The following PCIF1 variants were observed in gnomAD, a reference collection of about 807,000 sequenced individuals.
PCIF1 encodes the protein phosphorylated CTD interacting factor 1.
In PCIF1, 12 loss-of-function variants were observed where a neutral mutation model predicts 86.9. The ratio of observed to expected loss-of-function variants is 0.14; its 90% CI spans 0.09 to 0.22. PCIF1 has a LOEUF of 0.22. PCIF1 is among the 10% of genes least tolerant of loss of function. PCIF1 has a pLI of 1.00. For missense variants in PCIF1, 701 were observed against 951.1 expected (o/e 0.74, Z 3.46); for synonymous variants, 397 against 372.0 (o/e 1.07, Z -0.77).
At chr20:45,939,470 C>T (rs2083452042) in intron 4 of PCIF1, 131 bp downstream of exon 4, 6 of 1,323,308 alleles carry the variant, frequency 4.5e-6, no homozygotes, top group Middle Eastern at 2.6e-4. Context: ...ACAAGCAAGA[C>T]AGACACAGCC....
At chr20:45,944,842 G>A (rs764609790) in intron 10 of PCIF1, 26 bp from the exon 11 acceptor site, 24 of 1,600,062 alleles carry the variant, frequency 1.5e-5, no homozygotes, top group South Asian at 2.2e-5. Flanking sequence ...CTCCACTAGC[G>A]CCCTGATCCA....
At chr20:45,939,922 T>C (rs771629923) in intron 4 of PCIF1, among the ~76,000 whole-genome samples, 4 of 152,078 alleles carry the variant, frequency 2.6e-5, no homozygotes, top group Non-Finnish European at 5.9e-5. Flanking sequence ...GCATCTTCAT[T>C]TTGCATGTGA....
chr20:45,940,111 G>A (rs905038370), intron 4 of PCIF1, among the ~76,000 whole-genome samples: 6 of 152,152 alleles, frequency 3.9e-5, no homozygotes, highest in Non-Finnish European at 7.3e-5. Flanking sequence ...CAGTTTTTGA[G>A]CTTTTCATTT....
At chr20:45,937,383 AC>A (rs1256709798) in intron 1 of PCIF1, 34 bp from the exon 2 acceptor site, 5 of 398,988 alleles carry the variant, frequency 1.3e-5, no homozygotes, top group Non-Finnish European at 8.8e-6. Context: ...GCAGCATCCC[AC>A]AGGTCTGTGA....
At chr20:45,937,833 C>A in intron 2 of PCIF1, 1 of 355,940 alleles carries the variant, frequency 2.8e-6, no homozygotes, top group Non-Finnish European at 5.0e-6. Context: ...TTAAGGAAGA[C>A]GTCTATGATG....
rs766817099 is a variant in PCIF1 at position 45,947,777 on chromosome 20, G to T, written c.*22G>T. 1.1e-5 allele frequency: 18 copies of T among 1,587,556 alleles called. No homozygotes were observed. In the East Asian group the frequency reaches 3.8e-4, roughly 34 times the overall value. On this transcript the variant is annotated 3_prime_UTR_variant, in exon 17 of 17. Coordinates refer to ENST00000372409, the MANE Select transcript of PCIF1 (RefSeq NM_022104.4). This position sits in a 1 kb window ranked among gnomAD's most constrained non-coding sequence, Gnocchi z 5.4. ...TTAACATATCCTGCGGGGAGGAGGA[G>T]CCCCAGGGGTGCTAGTCTGGACTGC...
intron 1 of PCIF1, among the ~76,000 whole-genome samples, chr20:45,935,025 C>T (rs2083405945): frequency 6.6e-6 from 1 of 152,076 alleles, no homozygotes; most frequent in South Asian, 2.1e-4. Flanking sequence ...CTCTAGGGCC[C>T]CTCCGCTGCT....
intron 7 of PCIF1, among the ~76,000 whole-genome samples, 172 bp from the exon 8 acceptor site, chr20:45,942,925 A>G (rs1285288160): frequency 6.6e-6 from 1 of 152,002 alleles, no homozygotes; most frequent in Non-Finnish European, 1.5e-5. Flanking sequence ...ATACTTATCA[A>G]CACTATAAAA....
In PCIF1 at chr20:45,939,127, CTGAGGGG is replaced by C. The variant is rs777743264; in HGVS notation, c.124+5_124+11del. ...CGCCTGGTTCAGGACCTCCCAGGTA[CTGAGGGG>C]GAGCAGTAGTGGGGTGGTGGGGTAG... is the stretch of plus-strand genomic sequence containing the variant. On this transcript the variant is annotated splice_donor_5th_base_variant and intron_variant, in intron 3 of 16. Transcript: ENST00000372409. 4 of 1,613,978 alleles carry C rather than the reference CTGAGGGG, an allele frequency of 2.5e-6. No individual in the cohort carries two copies. The African/African-American group carries it at 5.3e-5, about 22-fold the overall frequency.
rs886535669 is a variant in PCIF1, at chr20:45,935,367, T to G, written c.-188+563T>G. On this transcript the variant is annotated intron_variant, in intron 1 of 16. Transcript: ENST00000372409. Reference sequence around the variant, plus strand: ...CCCGGACTCGGACTCTGGCTTCTGGTGGGTTTTTCTGGTTGCGCAGATAGA... The same window carrying G: ...CCCGGACTCGGACTCTGGCTTCTGGGGGGTTTTTCTGGTTGCGCAGATAGA... 2.6e-5 allele frequency among the ~76,000 whole-genome samples: 4 copies of G among 152,028 alleles called. No homozygotes were observed. The East Asian group carries it at 7.7e-4, about 29-fold the overall frequency.
rs1316742056 is a variant in PCIF1, at chr20:45,940,537, C to T, written c.312C>T (p.Pro104=). ...LPQDSSLVET[P]PAENKPRKRQ... ...AAGACTCAAGCTTGGTGGAAACTCC[C>T]CCGGCTGAGAACAAGCCCAGAAAGC... The change falls in exon 5 of 17, where the codon CCC becomes CCT. Residue 104 remains proline, a synonymous_variant. Transcript: ENST00000372409. 1 of 1,608,362 alleles carries T rather than the reference C, an allele frequency of 6.2e-7. No homozygotes were observed. Among genetic ancestry groups the T allele is most frequent in the Non-Finnish European group, 8.5e-7 (1 of 1,177,274 alleles).
At chr20:45,937,695 C>G in intron 2 of PCIF1, 110 bp downstream of exon 2, 1 of 397,924 alleles carries the variant, frequency 2.5e-6, no homozygotes, top group Non-Finnish European at 4.4e-6. Context: ...TTTTTCGTAC[C>G]TTGGTCAGTG....
rs762540613 is a variant in PCIF1, at chr20:45,943,350, A to G, written c.832A>G (p.Ile278Val). 1 of 1,614,104 alleles carries G rather than the reference A, an allele frequency of 6.2e-7. No individual in the cohort carries two copies. The highest frequency in any genetic ancestry group is 1.1e-5 in the South Asian group (1 of 91,088). ...CACTCTGAAACGCAGGTTATCCCGA[A>G]TCAAGTTCCGGGAGGAAGCCAAGCG... ...MNDIPIRLSRIKFREEAKRLL... is the reference protein window; with the variant it reads ...MNDIPIRLSRVKFREEAKRLL... Residue 278 changes from isoleucine to valine, a missense_variant, in exon 9 of 17, where the codon ATC becomes GTC. Transcript: ENST00000372409. The surrounding 1 kb of genome is among the most constrained non-coding windows in gnomAD (Gnocchi z 5.5).
chr20:45,946,319 C>G lies in PCIF1; in HGVS notation c.1548C>G (p.Leu516=). 6.2e-7 allele frequency: 1 copy of G among 1,614,174 alleles called. No homozygotes were observed. Among genetic ancestry groups the G allele is most frequent in the Non-Finnish European group, 8.5e-7 (1 of 1,180,044 alleles). Residue 516 remains leucine, a synonymous_variant, in exon 14 of 17, where the codon CTC becomes CTG. Coordinates refer to ENST00000372409, the MANE Select transcript of PCIF1 (RefSeq NM_022104.4). ...GCTTCGAGTGCTTCGCCTCACCCCTCAACTGCTACTTCCGCCAGTACTGTT... is the reference window on the plus strand; with the variant it reads ...GCTTCGAGTGCTTCGCCTCACCCCTGAACTGCTACTTCCGCCAGTACTGTT... ...GVSFECFASP[L]NCYFRQYCSA...
intron 11 of PCIF1, 47 bp downstream of exon 11, chr20:45,945,077 A>G (rs2297194): frequency 0.018 from 26,990 of 1,533,728 alleles, 600 homozygotes; most frequent in African/African-American, 0.093. Flanking sequence ...CGTCAGCTCT[A>G]TACCCTGATG....
chr20:45,942,378 G>C (rs145490755), intron 7 of PCIF1, among the ~76,000 whole-genome samples: 1 of 148,948 alleles, frequency 6.7e-6, no homozygotes. Flanking sequence ...GCAATGGCAC[G>C]GTCTCGGCTC....
chr20:45,941,104 G>A lies in PCIF1; in HGVS notation c.570G>A (p.Gly190=). 2 of 1,614,234 alleles carry A rather than the reference G, an allele frequency of 1.2e-6. No homozygotes were observed. The highest frequency in any genetic ancestry group is 1.7e-6 in the Non-Finnish European group (2 of 1,180,044). Residue 190 remains glycine, a synonymous_variant, in exon 7 of 17, where the codon GGG becomes GGA. Transcript: ENST00000372409. ...IQTNAVIKHR[G]PSEVLPPHPE... is the part of the protein sequence containing the mutation. Reference sequence around the variant, plus strand: ...CCAATGCTGTCATCAAGCACCGGGGGCCTTCAGAGGTGCTGCCCCCGCATC... The same window carrying A: ...CCAATGCTGTCATCAAGCACCGGGGACCTTCAGAGGTGCTGCCCCCGCATC...
intron 12 of PCIF1, 59 bp downstream of exon 12, chr20:45,945,942 T>C (rs2083521297): frequency 1.2e-6 from 2 of 1,613,086 alleles, no homozygotes; most frequent in South Asian, 1.1e-5. Context: ...CTAGGATCTT[T>C]CCTGAGCAGA....
Position 45,943,269 on chromosome 20 carries a change from C to G in PCIF1, c.821+25C>G, listed in dbSNP as rs1484923709. 6.2e-7 allele frequency: 1 copy of G among 1,613,876 alleles called. No individual in the cohort carries two copies. The highest frequency in any genetic ancestry group is 2.2e-5 in the East Asian group (1 of 44,892). Reference sequence around the variant, plus strand: ...GGTACAGCTCCACAGCTGGGGATGACCCTGGGCCATTTGGTTTCTGTGCCC... The same window carrying G: ...GGTACAGCTCCACAGCTGGGGATGAGCCTGGGCCATTTGGTTTCTGTGCCC... On this transcript the variant is annotated intron_variant, in intron 8 of 16. Coordinates refer to ENST00000372409, the MANE Select transcript of PCIF1 (RefSeq NM_022104.4). The surrounding 1 kb of genome is among the most constrained non-coding windows in gnomAD (Gnocchi z 5.5).
Sources: gnomAD v4.1 joint callset for allele counts (sites outside exome capture counted in the v4.1 genomes callset) on GRCh38, gnomAD v4.1.1 for gene constraint, Gnocchi (gnomAD v3.1) non-coding constraint, MANE v1.5 for transcripts, NCBI Gene and HGNC (gene_info 2026-07-23, HGNC 2026-07-21) for gene names.